EMILIN2: variants seen among roughly 807,000 people sequenced by gnomAD.
The protein encoded by EMILIN2 is elastin microfibril interfacer 2.
A neutral mutation model predicts 87.1 loss-of-function variants in EMILIN2; 71 were observed. That is an observed-to-expected ratio of 0.82 (90% confidence interval 0.67 to 0.99). The LOEUF (loss-of-function observed/expected upper bound fraction) is 0.99. Among genes scored for constraint, EMILIN2 ranks in the 50% least tolerant of loss-of-function variants. EMILIN2 has a pLI of 0.00. For synonymous variants in EMILIN2, 581 were observed against 563.4 expected (o/e 1.03, Z -0.44); for missense variants, 1,407 against 1,371.8 (o/e 1.03, Z -0.40).
chr18:2,861,665 G>C (rs1366444410), intron 2 of EMILIN2, among the ~76,000 whole-genome samples: 1 of 152,144 alleles, frequency 6.6e-6, no homozygotes, highest in African/African-American at 2.4e-5. Context: ...GTCAGGTAGT[G>C]TGATGCCTCC....
chr18:2,849,506 G>T (rs2076592796), intron 2 of EMILIN2, among the ~76,000 whole-genome samples: 1 of 152,008 alleles, frequency 6.6e-6, no homozygotes, highest in Non-Finnish European at 1.5e-5. Flanking sequence ...TGTTCTATTT[G>T]ACCAAAACTC....
intron 2 of EMILIN2, among the ~76,000 whole-genome samples, chr18:2,867,782 C>A (rs1042477603): frequency 2.0e-5 from 3 of 152,266 alleles, no homozygotes. Context: ...CATCCGATTT[C>A]TCAGTCTTTT....
Position 2,915,900 on chromosome 18 carries a change from C to T in EMILIN2, c.*2496C>T, listed in dbSNP as rs1598510924. 6.6e-6 allele frequency: 1 copy of T among 152,192 alleles called. No individual in the cohort carries two copies. Among genetic ancestry groups the T allele is most frequent in the Non-Finnish European group, 1.5e-5 (1 of 68,040 alleles). 9.4% of individuals were successfully genotyped at this position (152,192 alleles called of 1,614,324 possible). ...CTTAAGTAGAGAAGGACTGTGACAT[C>T]CCCTCCAAACCTCCATGTAACACTA... On this transcript the variant is annotated 3_prime_UTR_variant, in exon 8 of 8. Transcript: ENST00000254528.
intron 4 of EMILIN2, among the ~76,000 whole-genome samples, chr18:2,896,155 A>G (rs1224508985): frequency 1.3e-5 from 2 of 151,970 alleles, no homozygotes; most frequent in Non-Finnish European, 2.9e-5. Context: ...TATATATTGC[A>G]TATATATAAT....
intron 7 of EMILIN2, among the ~76,000 whole-genome samples, chr18:2,912,336 T>G (rs1418521651): frequency 6.6e-6 from 1 of 152,146 alleles, no homozygotes; most frequent in Non-Finnish European, 1.5e-5. Flanking sequence ...CCACCACGCA[T>G]GGCCAGGACC....
At chr18:2,906,566 C>G (rs1024306105) in intron 4 of EMILIN2, 32 of 373,454 alleles carry the variant, frequency 8.6e-5, no homozygotes, top group African/African-American at 6.1e-4. Flanking sequence ...ACGCCCCGGC[C>G]CCGGGCAGGG....
intron 4 of EMILIN2, among the ~76,000 whole-genome samples, chr18:2,902,862 A>G (rs2144060646): frequency 6.6e-6 from 1 of 152,242 alleles, no homozygotes; most frequent in Non-Finnish European, 1.5e-5. Flanking sequence ...AGGAGAAGGA[A>G]GAGTGAAACA....
intron 5 of EMILIN2, among the ~76,000 whole-genome samples, chr18:2,907,888 C>G (rs888145364): frequency 2.6e-5 from 4 of 152,324 alleles, no homozygotes; most frequent in African/African-American, 9.6e-5. Flanking sequence ...ACAATGCAAA[C>G]CAGTCAGTCC....
rs746254771 is a variant in EMILIN2 at position 2,885,017 on chromosome 18, A to G, written c.311A>G (p.Gln104Arg). 21 of 1,613,672 alleles carry G rather than the reference A, an allele frequency of 1.3e-5. No individual in the cohort carries two copies. The highest frequency in any genetic ancestry group is 3.3e-4 in the Middle Eastern group (2 of 6,080). Residue 104 changes from glutamine to arginine, a missense_variant, in exon 3 of 8, where the codon CAG becomes CGG. Coordinates refer to ENST00000254528, the MANE Select transcript of EMILIN2 (RefSeq NM_032048.3). The stretch of plus-strand genomic sequence containing the variant: ...GTCACTAGGTATAAGACAGTGACAC[A>G]GTTGGAATGGAGGTGCTGTCCTGGC... ...RYVTRYKTVT[Q>R]LEWRCCPGFR...
At chr18:2,899,159 G>A (rs2076876935) in intron 4 of EMILIN2, among the ~76,000 whole-genome samples, 2 of 152,178 alleles carry the variant, frequency 1.3e-5, no homozygotes. Flanking sequence ...TGAGGGCCAG[G>A]AATTTGTAAT....
chr18:2,860,441 T>A (rs1159159681), intron 2 of EMILIN2, among the ~76,000 whole-genome samples: 2 of 152,130 alleles, frequency 1.3e-5, no homozygotes, highest in Admixed American at 6.5e-5. Context: ...CCTGTGTCCA[T>A]GTGTTATCAT....
intron 2 of EMILIN2, among the ~76,000 whole-genome samples, chr18:2,883,115 G>A (rs923739225): frequency 2.6e-5 from 4 of 152,144 alleles, no homozygotes; most frequent in Non-Finnish European, 5.9e-5. Flanking sequence ...TGGGCTTGGC[G>A]GGTCCTAGCT....
rs141047301 is a variant in EMILIN2 at position 2,912,885 on chromosome 18, G to A, written c.2825-182G>A. ...AGTGGTATGGGCTAAGGTGGCCTCTGCATCACGGGTAGGCTGTAGGGGATG... is the reference window on the plus strand; with the variant it reads ...AGTGGTATGGGCTAAGGTGGCCTCTACATCACGGGTAGGCTGTAGGGGATG... On this transcript the variant is annotated intron_variant, in intron 7 of 7. Transcript: ENST00000254528. Among the ~76,000 whole-genome samples the A allele has an allele frequency of 6.5e-3, 990 of 152,310 alleles. 14 individuals carry two copies. The highest frequency in any genetic ancestry group is 6.4e-3 in the Non-Finnish European group (432 of 68,012).
intron 5 of EMILIN2, among the ~76,000 whole-genome samples, chr18:2,907,898 C>T (rs2076922350): frequency 6.6e-6 from 1 of 152,180 alleles, no homozygotes; most frequent in African/African-American, 2.4e-5. Context: ...CCAGTCAGTC[C>T]CCTCTGAGTC....
intron 4 of EMILIN2, among the ~76,000 whole-genome samples, chr18:2,897,735 A>G (rs1796857776): frequency 6.6e-6 from 1 of 151,998 alleles, no homozygotes; most frequent in Admixed American, 6.5e-5. Flanking sequence ...GGTGATGTGC[A>G]CCTGTGATTC....
chr18:2,859,180 A>G (rs1467685106), intron 2 of EMILIN2, among the ~76,000 whole-genome samples: 1 of 152,174 alleles, frequency 6.6e-6, no homozygotes, highest in Non-Finnish European at 1.5e-5. Flanking sequence ...TTACGTTCCC[A>G]TCAGCAGTGT....
chr18:2,889,077 C>T (rs1408911076), intron 3 of EMILIN2, among the ~76,000 whole-genome samples: 3 of 149,560 alleles, frequency 2.0e-5, no homozygotes, highest in African/African-American at 7.4e-5. Flanking sequence ...GTGTTAACCT[C>T]TTTCAGTATT....
At position 2,894,482 on chromosome 18, in the gene EMILIN2, A is replaced by G. The variant is rs573917987; in HGVS notation, c.2359+1996A>G. ...CACAAGACCATGTATGTGTTCATAG[A>G]ATGATTGTCCCTTGTGGTGACAACG... On this transcript the variant is annotated intron_variant, in intron 4 of 7. Coordinates refer to ENST00000254528, the MANE Select transcript of EMILIN2 (RefSeq NM_032048.3). This position sits in a 1 kb window ranked among gnomAD's most constrained non-coding sequence, Gnocchi z 5.0. Among the ~76,000 whole-genome samples, 2 of 152,178 alleles carry G rather than the reference A, an allele frequency of 1.3e-5. No individual in the cohort carries two copies. The highest frequency in any genetic ancestry group is 2.9e-5 in the Non-Finnish European group (2 of 68,038).
At chr18:2,853,388 G>A (rs1197317012) in intron 2 of EMILIN2, among the ~76,000 whole-genome samples, 1 of 152,140 alleles carries the variant, frequency 6.6e-6, no homozygotes, top group Non-Finnish European at 1.5e-5. Context: ...CTCCGGAGCT[G>A]CTGTAAAAGT....
Sources: allele counts gnomAD v4.1 joint callset (sites outside exome capture counted in the v4.1 genomes callset), GRCh38; gene constraint gnomAD v4.1.1; non-coding constraint Gnocchi (gnomAD v3.1); transcripts MANE v1.5; gene names NCBI Gene and HGNC (gene_info 2026-07-23, HGNC 2026-07-21).